Variants in SLC8A1 observed in about 807,000 individuals in gnomAD.
The protein encoded by SLC8A1 is solute carrier family 8 member A1, also known as sodium/calcium exchanger 1.
In SLC8A1, 18 loss-of-function variants were observed where a neutral mutation model predicts 68.3. The observed-to-expected ratio is 0.26, with a 90% CI of 0.18 to 0.39. The LOEUF (loss-of-function observed/expected upper bound fraction) is 0.39. Among genes scored for constraint, SLC8A1 ranks in the 10% least tolerant of loss-of-function variants. SLC8A1 has a pLI of 1.00. For synonymous variants in SLC8A1, 475 were observed against 415.5 expected (o/e 1.14, Z -1.74); for missense variants, 985 against 1,156.7 (o/e 0.85, Z 2.15).
intron 2 of SLC8A1, among the ~76,000 whole-genome samples, chr2:40,232,751 C>A (rs535166814): frequency 2.3e-5 from 2 of 87,242 alleles, no homozygotes; most frequent in Non-Finnish European, 5.6e-5. Context: ...CCCTCCCCCC[C>A]CGCCACCCCA....
chr2:40,359,405 A>G (rs1673828028), intron 2 of SLC8A1, among the ~76,000 whole-genome samples: 2 of 152,184 alleles, frequency 1.3e-5, no homozygotes, highest in South Asian at 2.1e-4. Context: ...GGTAGTAAGT[A>G]CATGCATAGC....
intron 2 of SLC8A1, among the ~76,000 whole-genome samples, chr2:40,252,816 ATATATATG>A (rs2062999289): frequency 6.8e-6 from 1 of 146,004 alleles, no homozygotes; most frequent in Non-Finnish European, 1.5e-5. Context: ...GTACATATAC[ATATATATG>A]TATATACATG....
At chr2:40,438,594 T>C (rs936917723) in intron 1 of SLC8A1, among the ~76,000 whole-genome samples, 1 of 152,136 alleles carries the variant, frequency 6.6e-6, no homozygotes, top group South Asian at 2.1e-4. Context: ...CTAGGAAGAA[T>C]TGACAAAATG....
chr2:40,160,908 G>C, intron 5 of SLC8A1, 44 bp from the exon 9 acceptor site: 1 of 1,422,818 alleles, frequency 7.0e-7, no homozygotes, highest in Non-Finnish European at 9.9e-7. Context: ...GGTTCGCTAA[G>C]GCCTCAGGAA....
exon 8 of SLC8A1, chr2:40,112,365 A>C (rs1419757163): frequency 6.9e-6 from 1 of 145,692 alleles, no homozygotes; most frequent in Non-Finnish European, 1.5e-5. Flanking sequence ...TGCACAATAC[A>C]CACAAAATAA....
At chr2:40,297,525 AT>A (rs1434653430) in intron 2 of SLC8A1, among the ~76,000 whole-genome samples, 1 of 152,126 alleles carries the variant, frequency 6.6e-6, no homozygotes, top group Non-Finnish European at 1.5e-5. Context: ...TTTAAAATGC[AT>A]TTTTTCAGTA....
chr2:40,237,663 TGGA>T, intron 2 of SLC8A1, among the ~76,000 whole-genome samples: 1 of 152,132 alleles, frequency 6.6e-6, no homozygotes. Flanking sequence ...TGTGTTCCTT[TGGA>T]GGAGGAGAGG....
chr2:40,227,344 ATC>A (rs2148876013), intron 2 of SLC8A1, among the ~76,000 whole-genome samples: 1 of 152,036 alleles, frequency 6.6e-6, no homozygotes, highest in East Asian at 1.9e-4. Context: ...ACACTCTGTG[ATC>A]TCACAGAGTG....
intron 1 of SLC8A1, among the ~76,000 whole-genome samples, chr2:40,506,881 T>C (rs1706403147): frequency 6.6e-6 from 1 of 152,026 alleles, no homozygotes; most frequent in Non-Finnish European, 1.5e-5. Context: ...CCTCCGCACA[T>C]GTCTGGTAGA....
chr2:40,428,247 A>C (rs565948628), intron 2 of SLC8A1, among the ~76,000 whole-genome samples: 1 of 152,260 alleles, frequency 6.6e-6, no homozygotes, highest in African/African-American at 2.4e-5. Flanking sequence ...ATAAAAGTAA[A>C]AATAAAATTC....
intron 6 of SLC8A1, among the ~76,000 whole-genome samples, chr2:40,142,945 A>AGTGTGT (rs113217495): frequency 3.0e-4 from 45 of 149,066 alleles, no homozygotes; most frequent in African/African-American, 8.1e-4. Flanking sequence ...TGTGTGTGTG[A>AGTGTGT]GTGTGTGTGT....
At chr2:40,362,060 A>G (rs1674793128) in intron 2 of SLC8A1, among the ~76,000 whole-genome samples, 1 of 151,438 alleles carries the variant, frequency 6.6e-6, no homozygotes, top group Admixed American at 6.6e-5. Flanking sequence ...ATGCCCTGCT[A>G]ATCTCTGTAT....
chr2:40,419,436 C>T (rs1694840123), intron 2 of SLC8A1, among the ~76,000 whole-genome samples: 1 of 152,016 alleles, frequency 6.6e-6, no homozygotes, highest in African/African-American at 2.4e-5. Context: ...CTAATCAGGG[C>T]TGTATATTCT....
intron 1 of SLC8A1, among the ~76,000 whole-genome samples, chr2:40,503,669 A>C (rs1706187162): frequency 6.6e-6 from 1 of 152,058 alleles, no homozygotes; most frequent in Non-Finnish European, 1.5e-5. Flanking sequence ...ACAGTGAAAC[A>C]ATATAAAAAA....
intron 2 of SLC8A1, among the ~76,000 whole-genome samples, chr2:40,327,705 T>G (rs1345092718): frequency 1.3e-5 from 2 of 152,050 alleles, no homozygotes. Flanking sequence ...AGCTAAACAT[T>G]GGGTACACAT....
chr2:40,101,836 T>C (rs1014164291), exon 8 of SLC8A1: 3 of 152,068 alleles, frequency 2.0e-5, no homozygotes, highest in African/African-American at 7.2e-5. Context: ...ATTGCCAGGG[T>C]CACTCCAAAA....
intron 2 of SLC8A1, among the ~76,000 whole-genome samples, chr2:40,327,089 G>A (rs1325564168): frequency 6.6e-6 from 1 of 152,118 alleles, no homozygotes; most frequent in Non-Finnish European, 1.5e-5. Context: ...TTCTACTACT[G>A]TCTTAAATTA....
At chr2:40,388,902 TTGAGCCTGCTGTGAAATATTTAG>T (rs1015017080) in intron 2 of SLC8A1, among the ~76,000 whole-genome samples, 2 of 152,148 alleles carry the variant, frequency 1.3e-5, no homozygotes, top group Non-Finnish European at 2.9e-5. Flanking sequence ...GCTTAAGACC[TTGAGCCTGCTGTGAAATATTTAG>T]TGAATCTAGG....
chr2:40,238,163 C>A (rs1016352500), intron 2 of SLC8A1, among the ~76,000 whole-genome samples: 4 of 152,320 alleles, frequency 2.6e-5, no homozygotes, highest in African/African-American at 4.8e-5. Context: ...GCTTTGTTTA[C>A]CTAATCAAGC....
Sources: allele counts gnomAD v4.1 joint callset (sites outside exome capture counted in the v4.1 genomes callset), GRCh38; gene constraint gnomAD v4.1.1; transcripts MANE v1.5; gene names NCBI Gene and HGNC (gene_info 2026-07-23, HGNC 2026-07-21).